Variants in SEMA3A observed in about 807,000 individuals in gnomAD.
The protein encoded by SEMA3A is semaphorin 3A.
SEMA3A carries 29 observed loss-of-function variants against 97.9 expected under a neutral mutation model. The ratio of observed to expected loss-of-function variants is 0.30; its 90% CI spans 0.22 to 0.40. SEMA3A has a LOEUF of 0.40. SEMA3A is among the 10% of genes least tolerant of loss of function. The pLI, the probability that SEMA3A is intolerant of heterozygous loss-of-function variation, is 1.00. For missense variants in SEMA3A, 763 were observed against 951.3 expected, an observed-to-expected ratio of 0.80 and a Z score of 2.60; for synonymous variants, 321 against 323.7, an observed-to-expected ratio of 0.99 and a Z score of 0.09.
At chr7:84,109,854 TTTTC>T (rs1400874499) in intron 4 of SEMA3A, among the ~76,000 whole-genome samples, 1 of 152,226 alleles carries the variant, frequency 6.6e-6, no homozygotes, top group African/African-American at 2.4e-5. Context: ...ATTAGCAACC[TTTTC>T]TTTATCTTGA....
chr7:84,109,832 A>G (rs1277783600), intron 4 of SEMA3A, among the ~76,000 whole-genome samples: 1 of 152,188 alleles, frequency 6.6e-6, no homozygotes, highest in African/African-American at 2.4e-5. Context: ...AATTCACCAA[A>G]CTGCTTTCAA....
intron 2 of SEMA3A, among the ~76,000 whole-genome samples, chr7:84,319,870 T>G (rs1277313654): frequency 6.6e-6 from 1 of 152,196 alleles, no homozygotes; most frequent in Non-Finnish European, 1.5e-5. Flanking sequence ...TTTATAATTT[T>G]CACAATATAA....
intron 4 of SEMA3A, among the ~76,000 whole-genome samples, chr7:84,083,886 C>A (rs1248331946): frequency 6.6e-6 from 1 of 151,976 alleles, no homozygotes; most frequent in Non-Finnish European, 1.5e-5. Flanking sequence ...TCCGTGATAA[C>A]CTCTGTGGGT....
intron 4 of SEMA3A, among the ~76,000 whole-genome samples, chr7:84,062,246 G>C (rs563865597): frequency 6.6e-6 from 1 of 152,222 alleles, no homozygotes; most frequent in East Asian, 1.9e-4. Context: ...ACATTGAGAT[G>C]TTTATATACA....
chr7:84,460,943 G>C (rs1805821922), intron 1 of SEMA3A, among the ~76,000 whole-genome samples: 1 of 152,184 alleles, frequency 6.6e-6, no homozygotes, highest in South Asian at 2.1e-4. Context: ...CATACACAGA[G>C]AGTATTGCCT....
chr7:84,412,951 C>T (rs1804313108), intron 1 of SEMA3A, among the ~76,000 whole-genome samples: 1 of 152,050 alleles, frequency 6.6e-6, no homozygotes, highest in South Asian at 2.1e-4. Context: ...CACACACTCA[C>T]ACACACACAT....
chr7:84,272,772 G>T (rs2115709125), intron 3 of SEMA3A, among the ~76,000 whole-genome samples: 1 of 152,132 alleles, frequency 6.6e-6, no homozygotes, highest in African/African-American at 2.4e-5. Context: ...TGTACTATTT[G>T]GTCCCTAGGC....
chr7:84,441,840 TCTTTTTAAAAG>T (rs1180045772), intron 1 of SEMA3A, among the ~76,000 whole-genome samples: 1 of 152,198 alleles, frequency 6.6e-6, no homozygotes, highest in Non-Finnish European at 1.5e-5. Flanking sequence ...TCAGCAAATT[TCTTTTTAAAAG>T]CTTTGGACAC....
rs1186972502 is a variant in SEMA3A at position 84,212,172 on chromosome 7, A to G, written c.-82-17504T>C. Among the ~76,000 whole-genome samples the G allele has an allele frequency of 2.0e-5, 3 of 152,232 alleles. No individual in the cohort carries two copies. The East Asian group carries it at 5.8e-4, about 29-fold the overall frequency. On this transcript the variant is annotated intron_variant, in intron 3 of 3. Transcript: ENST00000424555. ...AGTTGGTTTGGGAGACCAAACTACA[A>G]GAGAAATAATTAACTAATAATTCTC...
chr7:84,216,473 G>A (rs554226955), intron 3 of SEMA3A, among the ~76,000 whole-genome samples: 1 of 152,176 alleles, frequency 6.6e-6, no homozygotes, highest in East Asian at 1.9e-4. Context: ...AGAATCTATG[G>A]TGAATATTTT....
At chr7:84,397,920 T>G (rs1445413971) in intron 1 of SEMA3A, among the ~76,000 whole-genome samples, 1 of 152,162 alleles carries the variant, frequency 6.6e-6, no homozygotes, top group African/African-American at 2.4e-5. Flanking sequence ...AGATAAATCA[T>G]GCAAAGTGTA....
chr7:84,358,196 C>T (rs1467122031), intron 2 of SEMA3A, among the ~76,000 whole-genome samples: 1 of 152,162 alleles, frequency 6.6e-6, no homozygotes, highest in Non-Finnish European at 1.5e-5. Flanking sequence ...GTGCTTTAGA[C>T]ATGAAGTCCT....
At chr7:84,032,995 CTTGT>C (rs1247740579) in intron 6 of SEMA3A, among the ~76,000 whole-genome samples, 1 of 151,862 alleles carries the variant, frequency 6.6e-6, no homozygotes, top group African/African-American at 2.4e-5. Context: ...AAAAATCTTC[CTTGT>C]TTTTCTTTAC....
chr7:84,150,483 G>C (rs577992803), intron 1 of SEMA3A, among the ~76,000 whole-genome samples: 3 of 152,174 alleles, frequency 2.0e-5, no homozygotes, highest in Non-Finnish European at 4.4e-5. Context: ...GGTGACGGAC[G>C]GCACCTGGAG....
intron 12 of SEMA3A, among the ~76,000 whole-genome samples, chr7:83,991,090 G>T (rs1789905137): frequency 6.7e-6 from 1 of 149,512 alleles, no homozygotes; most frequent in South Asian, 2.2e-4. Flanking sequence ...AATTGTGAAT[G>T]GGAGTTCACT....
intron 3 of SEMA3A, among the ~76,000 whole-genome samples, chr7:84,215,563 G>C (rs1307586369): frequency 1.3e-5 from 2 of 152,050 alleles, no homozygotes; most frequent in African/African-American, 4.8e-5. Context: ...CTTTTTTCCT[G>C]TCCCCTAGCT....
At chr7:84,388,827 A>G (rs1803467350) in intron 1 of SEMA3A, among the ~76,000 whole-genome samples, 1 of 152,036 alleles carries the variant, frequency 6.6e-6, no homozygotes, top group African/African-American at 2.4e-5. Context: ...ATTCTAGGAA[A>G]AATTCCTGAT....
At chr7:84,013,639 G>A (rs186802178) in intron 7 of SEMA3A, among the ~76,000 whole-genome samples, 6 of 151,668 alleles carry the variant, frequency 4.0e-5, no homozygotes, top group African/African-American at 1.5e-4. Flanking sequence ...CAGAGATCAG[G>A]AGTTCAAGAC....
At chr7:84,057,401 G>A (rs192025679) in intron 5 of SEMA3A, among the ~76,000 whole-genome samples, 2 of 152,210 alleles carry the variant, frequency 1.3e-5, no homozygotes, top group African/African-American at 4.8e-5. Flanking sequence ...GTGAGTAATT[G>A]CTATCTTTAG....
Sources: gnomAD v4.1 joint callset for allele counts (sites outside exome capture counted in the v4.1 genomes callset) on GRCh38, gnomAD v4.1.1 for gene constraint, MANE v1.5 for transcripts, NCBI Gene and HGNC (gene_info 2026-07-23, HGNC 2026-07-21) for gene names.